The following THRAP3 variants were observed in gnomAD, a reference collection of about 807,000 sequenced individuals.
The protein encoded by THRAP3 is thyroid hormone receptor-associated protein 3.
THRAP3 carries 16 observed loss-of-function variants against 101.0 expected under a neutral mutation model. The observed-to-expected ratio is 0.16, with a 90% CI of 0.11 to 0.24. The LOEUF (loss-of-function observed/expected upper bound fraction) is 0.24. Ranked by LOEUF, THRAP3 falls within the 10% of genes least tolerant of loss-of-function variation. THRAP3 has a pLI of 1.00. For missense variants in THRAP3, 989 were observed against 1,202.7 expected (o/e 0.82, Z 2.63); for synonymous variants, 407 against 422.6 (o/e 0.96, Z 0.45).
At chr1:36,269,411 C>T (rs1645560283) in intron 2 of THRAP3, among the ~76,000 whole-genome samples, 1 of 152,110 alleles carries the variant, frequency 6.6e-6, no homozygotes. Context: ...GAAGTATTCT[C>T]ATGTCTAAAA....
chr1:36,289,734 G>C lies in THRAP3; in HGVS notation c.1715G>C (p.Arg572Pro). 2 of 1,611,578 alleles carry C rather than the reference G, an allele frequency of 1.2e-6. No homozygotes were observed. Among genetic ancestry groups the C allele is most frequent in the Non-Finnish European group, 1.7e-6 (2 of 1,179,076 alleles). ...SITREAQVNV[R>P]MDSFDEDLAR... ...ACTCGAGAGGCACAGGTCAATGTCC[G>C]GATGGACTCTTTTGATGAGGACCTC... Residue 572 changes from arginine to proline, a missense_variant, in exon 5 of 12, where the codon CGG (arginine) becomes CCG (proline). Transcript: ENST00000354618.
At chr1:36,302,243 C>T (rs1570357163) in intron 11 of THRAP3, among the ~76,000 whole-genome samples, 1 of 152,190 alleles carries the variant, frequency 6.6e-6, no homozygotes, top group East Asian at 1.9e-4. Flanking sequence ...CTCTCTTGGC[C>T]TTGATCTGTA....
At position 36,303,806 on chromosome 1, in the gene THRAP3, G is replaced by A. The variant is rs1646059679; in HGVS notation, c.2657G>A (p.Arg886His). The A allele has an allele frequency of 3.1e-6, 5 of 1,614,072 alleles. No homozygotes were observed. Among genetic ancestry groups the A allele is most frequent in the Non-Finnish European group, 3.4e-6 (4 of 1,179,964 alleles). The change falls in exon 12 of 12, where the codon CGT becomes CAT. Residue 886 changes from arginine (R) to histidine (H), a missense_variant. By Grantham distance (29) the Arg-to-His change is conservative (BLOSUM62 0). Coordinates refer to ENST00000354618, the MANE Select transcript of THRAP3 (RefSeq NM_005119.4). ...TTTCTTTCCCCTCAGCATGATGACCGTGAAGGCGAAGGCAGTGACAAGTGG... is the reference window on the plus strand; with the variant it reads ...TTTCTTTCCCCTCAGCATGATGACCATGAAGGCGAAGGCAGTGACAAGTGG... The part of the protein sequence containing the change: ...KSKKYYLHDD[R>H]EGEGSDKWVS...
chr1:36,228,490 G>A (rs553112427), intron 1 of THRAP3, among the ~76,000 whole-genome samples: 2 of 152,330 alleles, frequency 1.3e-5, no homozygotes, highest in Admixed American at 6.5e-5. Context: ...CCAAAGTGTC[G>A]GGAAAGGTGT....
At chr1:36,289,960 C>T (rs1645844956) in intron 5 of THRAP3, among the ~76,000 whole-genome samples, 196 bp downstream of exon 5, 1 of 152,122 alleles carries the variant, frequency 6.6e-6, no homozygotes, top group South Asian at 2.1e-4. Context: ...GGCAGTATCC[C>T]TGGGGTGATG....
intron 1 of THRAP3, among the ~76,000 whole-genome samples, chr1:36,250,125 A>G (rs750288792): frequency 3.9e-5 from 6 of 152,048 alleles, no homozygotes; most frequent in Non-Finnish European, 8.8e-5. Flanking sequence ...TAGACTCTGG[A>G]TATATTATCG....
chr1:36,224,232 C>A (rs1467661452), upstream of THRAP3, among the ~76,000 whole-genome samples: 2 of 152,236 alleles, frequency 1.3e-5, no homozygotes, highest in African/African-American at 2.4e-5. Flanking sequence ...GGGGAGGGGA[C>A]GGCCCCGAGC....
intron 2 of THRAP3, among the ~76,000 whole-genome samples, chr1:36,272,694 T>C (rs1645606724): frequency 6.6e-6 from 1 of 152,242 alleles, no homozygotes; most frequent in African/African-American, 2.4e-5. Flanking sequence ...TATCAGTTGA[T>C]GGCTTGTTCA....
intron 1 of THRAP3, among the ~76,000 whole-genome samples, chr1:36,249,927 A>G (rs925020394): frequency 6.6e-6 from 1 of 152,154 alleles, no homozygotes; most frequent in Non-Finnish European, 1.5e-5. Context: ...GTAAGCAGGA[A>G]GGACCTTTAA....
chr1:36,241,466 C>T (rs1306075687), intron 1 of THRAP3, among the ~76,000 whole-genome samples: 1 of 145,310 alleles, frequency 6.9e-6, no homozygotes, highest in African/African-American at 2.6e-5. Flanking sequence ...TACAAATGTC[C>T]AGGTCATGTT....
chr1:36,232,481 A>G (rs938619962), intron 1 of THRAP3, among the ~76,000 whole-genome samples: 6 of 152,294 alleles, frequency 3.9e-5, no homozygotes, highest in Admixed American at 2.6e-4. Context: ...CCCCAACCCT[A>G]CATTATTACT....
chr1:36,228,842 A>G (rs1644992235), intron 1 of THRAP3, among the ~76,000 whole-genome samples: 1 of 152,174 alleles, frequency 6.6e-6, no homozygotes, highest in Admixed American at 6.6e-5. Context: ...TTTATAATCC[A>G]TAAAAATGTA....
chr1:36,263,143 A>G (rs1005310990), intron 2 of THRAP3, among the ~76,000 whole-genome samples: 6 of 151,754 alleles, frequency 4.0e-5, no homozygotes, highest in Non-Finnish European at 7.4e-5. Context: ...TCTGTCGCCA[A>G]GGCTGGAGTG....
rs1161462449 is a variant in THRAP3, at chr1:36,305,093, T to C, written c.*1076T>C. ...GGGGGAAACATCCTCTTAAAATGGGTCCTTGTGCTTGCCTTCTGGGGAGGC... is the reference window on the plus strand; with the variant it reads ...GGGGGAAACATCCTCTTAAAATGGGCCCTTGTGCTTGCCTTCTGGGGAGGC... On this transcript the variant is annotated 3_prime_UTR_variant, in exon 12 of 12. Coordinates refer to ENST00000354618, the MANE Select transcript of THRAP3 (RefSeq NM_005119.4). 9.4e-6 allele frequency: 2 copies of C among 212,044 alleles called. No individual in the cohort carries two copies. Among genetic ancestry groups the C allele is most frequent in the Admixed American group, 1.2e-4 (2 of 17,020 alleles). The allele number at this position is 212,044 out of a possible 1,614,324, so 13.1% of individuals were successfully genotyped here.
intron 2 of THRAP3, among the ~76,000 whole-genome samples, chr1:36,281,073 C>T (rs1479083522): frequency 6.6e-6 from 1 of 151,752 alleles, no homozygotes; most frequent in Non-Finnish European, 1.5e-5. Flanking sequence ...TTACAGGCAC[C>T]CGCCACTACT....
At chr1:36,207,990 G>A in the THRAP3 span, among the ~76,000 whole-genome samples, 157 of 152,158 alleles carry the variant, frequency 1.0e-3, no homozygotes, top group African/African-American at 3.6e-3. Flanking sequence ...ACTGGGTTTC[G>A]CCATGTTGGC....
chr1:36,300,780 C>CGAAGA (rs1414581847), intron 9 of THRAP3, 106 bp from the exon 10 acceptor site: 5 of 1,128,794 alleles, frequency 4.4e-6, no homozygotes, highest in Non-Finnish European at 6.4e-6. Flanking sequence ...TCAGTTTCTT[C>CGAAGA]CATCACAGGC....
In THRAP3 at chr1:36,305,118, C is replaced by T. The variant is rs1055296182; in HGVS notation, c.*1101C>T. 13 of 214,776 alleles carry T rather than the reference C, an allele frequency of 6.1e-5. No homozygotes were observed. The highest frequency in any genetic ancestry group is 1.4e-3 in the Middle Eastern group (1 of 706). 13.3% of individuals were successfully genotyped at this position (214,776 alleles called of 1,614,324 possible). ...TCCTTGTGCTTGCCTTCTGGGGAGG[C>T]GGTCCTGAGCAGGTGAATCATAAGG... is the stretch of plus-strand genomic sequence containing the variant. On this transcript the variant is annotated 3_prime_UTR_variant, in exon 12 of 12. Transcript: ENST00000354618.
At chr1:36,272,456 A>G (rs537195729) in intron 2 of THRAP3, among the ~76,000 whole-genome samples, 2 of 152,310 alleles carry the variant, frequency 1.3e-5, no homozygotes, top group South Asian at 4.1e-4. Flanking sequence ...CTCTAGAGAT[A>G]TCACAGCTGC....
Sources: gnomAD v4.1 joint callset for allele counts (sites outside exome capture counted in the v4.1 genomes callset) on GRCh38, gnomAD v4.1.1 for gene constraint, MANE v1.5 for transcripts, NCBI Gene and HGNC (gene_info 2026-07-23, HGNC 2026-07-21) for gene names.